SCHIP1: variants seen among roughly 807,000 people sequenced by gnomAD.
SCHIP1 encodes schwannomin-interacting protein 1.
In SCHIP1, 8 loss-of-function variants were observed where a neutral mutation model predicts 29.7. The ratio of observed to expected loss-of-function variants is 0.27; its 90% CI spans 0.16 to 0.49. SCHIP1 has a LOEUF of 0.49. SCHIP1 is among the 20% of genes least tolerant of loss of function. SCHIP1 has a pLI of 0.99. For synonymous variants in SCHIP1, 76 were observed against 94.9 expected, an observed-to-expected ratio of 0.80 and a Z score of 1.16; for missense variants, 193 against 294.6, an observed-to-expected ratio of 0.66 and a Z score of 2.52.
chr3:159,278,954 A>C, the SCHIP1 span, among the ~76,000 whole-genome samples: 1 of 152,114 alleles, frequency 6.6e-6, no homozygotes, highest in Non-Finnish European at 1.5e-5. Flanking sequence ...TCTCAAGACC[A>C]CCTTACAGTT....
chr3:159,605,656 G>GA, the SCHIP1 span, among the ~76,000 whole-genome samples: 1 of 151,954 alleles, frequency 6.6e-6, no homozygotes, highest in Non-Finnish European at 1.5e-5. Context: ...CAAATGGGAA[G>GA]AAAAAAACAG....
the SCHIP1 span, among the ~76,000 whole-genome samples, chr3:159,489,695 G>C: frequency 3.3e-5 from 5 of 152,066 alleles, no homozygotes; most frequent in Non-Finnish European, 7.4e-5. Context: ...TATGAACAAA[G>C]TGGTCAAATA....
chr3:159,523,695 C>T, the SCHIP1 span, among the ~76,000 whole-genome samples: 10 of 152,224 alleles, frequency 6.6e-5, no homozygotes, highest in African/African-American at 2.4e-4. Context: ...ATCCACCCAT[C>T]CATTCACTAA....
chr3:159,839,983 C>T, exon 1 of SCHIP1: 1 of 1,436,226 alleles, frequency 7.0e-7, no homozygotes, highest in African/African-American at 1.4e-5. Context: ...TGGAGAGCAG[C>T]TCAGCTCGCT....
the SCHIP1 span, among the ~76,000 whole-genome samples, chr3:159,547,496 A>G: frequency 1.3e-5 from 2 of 152,174 alleles, no homozygotes; most frequent in African/African-American, 4.8e-5. Flanking sequence ...GCCCATGCCT[A>G]TGTCCTGAAT....
At chr3:159,757,448 A>G in the SCHIP1 span, among the ~76,000 whole-genome samples, 31 of 152,258 alleles carry the variant, frequency 2.0e-4, no homozygotes, top group Admixed American at 3.9e-4. Context: ...CCCACAACAC[A>G]TGGGACTTAT....
At chr3:159,429,705 A>G in the SCHIP1 span, among the ~76,000 whole-genome samples, 1 of 152,214 alleles carries the variant, frequency 6.6e-6, no homozygotes, top group African/African-American at 2.4e-5. Context: ...ACACAAGAAC[A>G]GGTTATGCCG....
chr3:159,465,520 G>A, the SCHIP1 span, among the ~76,000 whole-genome samples: 1 of 152,014 alleles, frequency 6.6e-6, no homozygotes, highest in Non-Finnish European at 1.5e-5. Flanking sequence ...TATGTTCTAG[G>A]CTTCTAGTAA....
chr3:159,796,188 G>A, the SCHIP1 span, among the ~76,000 whole-genome samples: 6 of 152,182 alleles, frequency 3.9e-5, no homozygotes, highest in Non-Finnish European at 8.8e-5. Context: ...GTTTGTTGGG[G>A]AGTGGTGTCT....
At chr3:159,426,327 C>T in the SCHIP1 span, among the ~76,000 whole-genome samples, 24 of 152,084 alleles carry the variant, frequency 1.6e-4, no homozygotes, top group East Asian at 9.7e-4. Context: ...ATCAAATAGA[C>T]GCAATAAAAA....
At position 159,854,815 on chromosome 3, in the gene SCHIP1, T is replaced by A. The variant is rs112150543; in HGVS notation, c.31-11348T>A. Among the ~76,000 whole-genome samples the A allele has an allele frequency of 3.7e-3, 567 of 152,284 alleles. 4 individuals carry two copies. The highest frequency in any genetic ancestry group is 0.013 in the African/African-American group (532 of 41,558). On this transcript the variant is annotated intron_variant, in intron 1 of 6. Transcript: ENST00000445224. ...GTTTGCACTTAGGAAAAATGAAACA[T>A]ACCATTGCTAATGCATTAACAATGA...
chr3:159,580,848 G>A, the SCHIP1 span, among the ~76,000 whole-genome samples: 1 of 152,264 alleles, frequency 6.6e-6, no homozygotes, highest in South Asian at 2.1e-4. Flanking sequence ...CAAAATTAGT[G>A]GCAGAAAGAG....
chr3:159,429,368 G>A, the SCHIP1 span, among the ~76,000 whole-genome samples: 2 of 152,124 alleles, frequency 1.3e-5, no homozygotes, highest in East Asian at 1.9e-4. Flanking sequence ...CTCCCACAGA[G>A]AGATGAGGTG....
At chr3:159,308,989 G>C in the SCHIP1 span, 4 of 151,966 alleles carry the variant, frequency 2.6e-5, no homozygotes, top group Non-Finnish European at 5.9e-5. Flanking sequence ...ATAAATATGG[G>C]AACAATAGAG....
At chr3:159,403,131 T>C in the SCHIP1 span, among the ~76,000 whole-genome samples, 1 of 152,158 alleles carries the variant, frequency 6.6e-6, no homozygotes, top group African/African-American at 2.4e-5. Flanking sequence ...TATCCATTCC[T>C]TTAATGGGCA....
At chr3:159,642,989 G>A in the SCHIP1 span, among the ~76,000 whole-genome samples, 1 of 152,070 alleles carries the variant, frequency 6.6e-6, no homozygotes, top group East Asian at 1.9e-4. Flanking sequence ...AGGTAAAGGT[G>A]AGTAAGCACT....
At chr3:159,575,820 C>T in the SCHIP1 span, among the ~76,000 whole-genome samples, 1 of 152,084 alleles carries the variant, frequency 6.6e-6, no homozygotes, top group African/African-American at 2.4e-5. Flanking sequence ...TTTGATCATC[C>T]TCCTTCCTTT....
the SCHIP1 span, among the ~76,000 whole-genome samples, chr3:159,476,320 T>G: frequency 6.6e-6 from 1 of 152,188 alleles, no homozygotes; most frequent in Non-Finnish European, 1.5e-5. Flanking sequence ...GAGATACTAG[T>G]GGGTTGAGTT....
the SCHIP1 span, among the ~76,000 whole-genome samples, chr3:159,599,092 T>C: frequency 1.3e-5 from 2 of 152,186 alleles, no homozygotes; most frequent in Non-Finnish European, 2.9e-5. Context: ...ACTTTCAGTC[T>C]ATAGGTGACT....
Sources: allele counts gnomAD v4.1 joint callset (sites outside exome capture counted in the v4.1 genomes callset), GRCh38; gene constraint gnomAD v4.1.1; transcripts MANE v1.5; gene names NCBI Gene and HGNC (gene_info 2026-07-23, HGNC 2026-07-21).